The following NDRG2 variants were observed in gnomAD, a reference collection of about 807,000 sequenced individuals.
The protein encoded by NDRG2 is NDRG family member 2, also known as protein NDRG2.
A neutral mutation model predicts 58.2 loss-of-function variants in NDRG2; 34 were observed. The ratio of observed to expected loss-of-function variants is 0.58; its 90% confidence interval spans 0.44 to 0.78. NDRG2 has a LOEUF of 0.78. NDRG2 is among the 30% of genes least tolerant of loss of function. NDRG2 has a pLI of 0.00. For missense variants in NDRG2, 434 were observed against 471.2 expected (o/e 0.92, Z 0.73); for synonymous variants, 187 against 175.9 (o/e 1.06, Z -0.50).
chr14:21,034,493 C>T (rs773111999), intron 1 of NDRG2, among the ~76,000 whole-genome samples: 2 of 152,202 alleles, frequency 1.3e-5, no homozygotes, highest in Non-Finnish European at 2.9e-5. Flanking sequence ...GCCCTGCTCC[C>T]CTGGTCCACC....
upstream of NDRG2, among the ~76,000 whole-genome samples, chr14:21,026,038 G>C (rs184796628): frequency 1.3e-5 from 2 of 152,054 alleles, no homozygotes; most frequent in South Asian, 2.1e-4. Context: ...CAGAATAGGA[G>C]ACCAGCTCAG....
At chr14:21,033,762 G>C in intron 1 of NDRG2, 1 of 1,156,984 alleles carries the variant, frequency 8.6e-7, no homozygotes, top group Non-Finnish European at 1.3e-6. Context: ...GGATCAGAGT[G>C]TTGGAAATGG....
At chr14:21,043,569 G>T in intron 1 of NDRG2, 1 of 797,960 alleles carries the variant, frequency 1.3e-6, no homozygotes, top group Admixed American at 2.8e-5. Flanking sequence ...TCTTGGGGCT[G>T]TTCCTGGTTC....
rs572894043 is a variant in NDRG2 at position 21,037,961 on chromosome 14, C to A, written c.25-14640G>T. Among the ~76,000 whole-genome samples the A allele has an allele frequency of 1.5e-4, 23 of 152,296 alleles. No homozygotes were observed. The South Asian group carries it at 4.8e-3, about 32-fold the overall frequency. On this transcript the variant is annotated intron_variant, in intron 1 of 14. Transcript: ENST00000403829. ...GGTGACTCCCTATGACTGAGGAGAA[C>A]CCCAAAATTTTGCTCTGAGTGGGCT...
At chr14:21,057,366 G>A (rs1885719578) in intron 1 of NDRG2, among the ~76,000 whole-genome samples, 1 of 151,828 alleles carries the variant, frequency 6.6e-6, no homozygotes. Context: ...AACCTGGGAG[G>A]CAGAGGTTGC....
At position 21,022,086 on chromosome 14, in the gene NDRG2, T is replaced by C; in HGVS notation, c.320A>G (p.Glu107Gly). 1 of 1,614,170 alleles carries C rather than the reference T, an allele frequency of 6.2e-7. No individual in the cohort carries two copies. Among genetic ancestry groups the C allele is most frequent in the South Asian group, 1.1e-5 (1 of 91,080 alleles). ...CCCCAAAGGGAACACAGGGGCTCCC[T>C]CTTCCATTCCAGGGGCATCCACATG... ...RVHVDAPGME[E>G]GAPVFPLGYQ... Residue 107 changes from glutamate (E) to glycine (G), a missense_variant, in exon 5 of 16, where the codon GAG becomes GGG. Physicochemically the swap from Glu to Gly is moderately conservative, Grantham distance 98. Transcript: ENST00000556147.
chr14:21,041,434 C>G (rs1033311211), intron 1 of NDRG2, among the ~76,000 whole-genome samples: 7 of 152,124 alleles, frequency 4.6e-5, no homozygotes, highest in African/African-American at 1.7e-4. Flanking sequence ...ATTCTGAAAA[C>G]AAAAATATTC....
intron 1 of NDRG2, chr14:21,034,322 C>A: frequency 3.9e-6 from 6 of 1,526,522 alleles, no homozygotes; most frequent in Non-Finnish European, 5.4e-6. Flanking sequence ...TGGTTGGGGG[C>A]AGCAGTGGGC....
intron 1 of NDRG2, chr14:21,031,304 A>T (rs1884109006): frequency 8.4e-7 from 1 of 1,187,426 alleles, no homozygotes; most frequent in Non-Finnish European, 1.1e-6. Context: ...ACATTCCAGA[A>T]GTCAGGAAAA....
chr14:21,017,980 T>C lies in NDRG2; in HGVS notation c.949+7A>G. 1 of 1,614,204 alleles carries C rather than the reference T, an allele frequency of 6.2e-7. No individual in the cohort carries two copies. Among genetic ancestry groups the C allele is most frequent in the Non-Finnish European group, 8.5e-7 (1 of 1,180,040 alleles). ...CTAGTGCAGCAAGCTCTTGTCCCGA[T>C]ACTCACTGTAGCCCATGCCTTGCAG... On this transcript the variant is annotated splice_region_variant and intron_variant, in intron 15 of 15. Coordinates refer to ENST00000556147, the MANE Select transcript of NDRG2 (RefSeq NM_001320329.2).
upstream of NDRG2, chr14:21,030,263 C>G (rs1396366070): frequency 7.0e-6 from 2 of 287,466 alleles, no homozygotes; most frequent in Non-Finnish European, 1.3e-5. Context: ...CACTTAAATA[C>G]AAAGGCCGGG....
chr14:21,019,077 C>G (rs199567854), intron 11 of NDRG2, 39 bp downstream of exon 11: 1 of 1,568,998 alleles, frequency 6.4e-7, no homozygotes, highest in South Asian at 1.2e-5. Context: ...TAGGGAAGAT[C>G]CAGGGAGACA....
At position 21,016,799 on chromosome 14, in the gene NDRG2, AG is replaced by A; in HGVS notation, c.*796del. ...AGATTCCTCTACAGTTTATTGTTAT[AG>A]CAGAAGTTGTGGGAGACGGGAGGGC... On this transcript the variant is annotated 3_prime_UTR_variant, in exon 16 of 16. Transcript: ENST00000556147. 6.6e-6 allele frequency: 3 copies of A among 451,178 alleles called. No homozygotes were observed. The highest frequency in any genetic ancestry group is 4.7e-5 in the South Asian group (3 of 64,324). The allele number at this position is 451,178 out of a possible 1,614,324, so 27.9% of individuals were successfully genotyped here.
At chr14:21,041,742 C>T (rs1884905466) in intron 1 of NDRG2, among the ~76,000 whole-genome samples, 1 of 152,212 alleles carries the variant, frequency 6.6e-6, no homozygotes, top group African/African-American at 2.4e-5. Flanking sequence ...GTGTTGGCTG[C>T]CTTCTCCAGC....
At chr14:21,022,971 A>T in intron 2 of NDRG2, 66 bp from the exon 3 acceptor site, 1 of 1,581,682 alleles carries the variant, frequency 6.3e-7, no homozygotes, top group Non-Finnish European at 8.7e-7. Flanking sequence ...TGGAGAGACA[A>T]ACAGACAAAG....
rs558685962 is a variant in NDRG2, at chr14:21,020,798, G to A, written c.454C>T (p.Leu152=). ...GVGVGAGAYI[L]ARYALNHPDT... ...TTATTTCTTACAGCATATCTCGCCA[G>A]GATGTAGGCTCCAGCTCCAACACCA... The change falls in exon 7 of 16, where the codon CTG becomes TTG. Residue 152 remains leucine (L), a synonymous_variant. Transcript: ENST00000556147. 6.2e-7 allele frequency: 1 copy of A among 1,614,030 alleles called. No individual in the cohort carries two copies. Among genetic ancestry groups the A allele is most frequent in the South Asian group, 1.1e-5 (1 of 91,040 alleles).
intron 1 of NDRG2, among the ~76,000 whole-genome samples, chr14:21,069,536 C>T (rs1478967189): frequency 6.6e-6 from 1 of 152,212 alleles, no homozygotes; most frequent in African/African-American, 2.4e-5. Flanking sequence ...AATGCACGCC[C>T]CTACATAAGC....
At chr14:21,018,159 T>C (rs911280906) in intron 14 of NDRG2, 45 bp downstream of exon 14, 4 of 1,610,436 alleles carry the variant, frequency 2.5e-6, no homozygotes, top group Non-Finnish European at 3.4e-6. Flanking sequence ...GTGCCACCGG[T>C]ATCCTATGTC....
chr14:21,058,192 C>T (rs77979750), intron 1 of NDRG2: 27 of 1,614,190 alleles, frequency 1.7e-5, no homozygotes, highest in East Asian at 8.9e-5. Flanking sequence ...ACCAGAGCCA[C>T]GGGCCCATGT....
Sources: gnomAD v4.1 joint callset for allele counts (sites outside exome capture counted in the v4.1 genomes callset) on GRCh38, gnomAD v4.1.1 for gene constraint, MANE v1.5 for transcripts, NCBI Gene and HGNC (gene_info 2026-07-23, HGNC 2026-07-21) for gene names.